APOL1: variants seen among roughly 807,000 people sequenced by gnomAD.
APOL1 encodes apolipoprotein L1.
A neutral mutation model predicts 14.9 loss-of-function variants in APOL1; 17 were observed. The ratio of observed to expected loss-of-function variants is 1.14; its 90% CI spans 0.78 to 1.71. The LOEUF is 1.71. Ranked by LOEUF, APOL1 falls within the 40% of genes most tolerant of loss-of-function variation. The probability of loss-of-function intolerance (pLI) is 0.00; values close to 1 mark genes in which losing one functional copy is unlikely to be tolerated. For missense variants in APOL1, 523 were observed against 485.9 expected (o/e 1.08, Z -0.72); for synonymous variants, 195 against 184.8 (o/e 1.05, Z -0.45).
intron 4 of APOL1, 36 bp downstream of exon 4, chr22:36,257,443 C>G: frequency 1.9e-6 from 3 of 1,585,034 alleles, no homozygotes; most frequent in Non-Finnish European, 1.7e-6. Context: ...GGTTCCTACT[C>G]GCACTTAGAA....
At chr22:36,256,267 G>A (rs1219674445) in intron 2 of APOL1, among the ~76,000 whole-genome samples, 2 of 152,182 alleles carry the variant, frequency 1.3e-5, no homozygotes, top group Non-Finnish European at 2.9e-5. Context: ...GTTTGAGTGT[G>A]AATTGGTACA....
At chr22:36,258,156 C>G (rs184136826) in intron 4 of APOL1, among the ~76,000 whole-genome samples, 30 of 152,268 alleles carry the variant, frequency 2.0e-4, no homozygotes, top group African/African-American at 5.5e-4. Context: ...CCGTCCCCCC[C>G]CAGCTGTGTT....
chr22:36,265,846 A>G lies in APOL1; in HGVS notation c.1010A>G (p.Asp337Gly), dbSNP rs1324057858. The change falls in exon 6 of 6, where the codon GAT becomes GGT. Residue 337 changes from aspartate to glycine, a missense_variant. Transcript: ENST00000397278. Reference sequence around the variant, plus strand: ...ATGAGCAGAGGAGTCAAGCTCACGGATGTGGCCCCTGTAAGCTTCTTTCTT... The same window carrying G: ...ATGAGCAGAGGAGTCAAGCTCACGGGTGTGGCCCCTGTAAGCTTCTTTCTT... ...LEMSRGVKLT[D>G]VAPVSFFLVL... is the part of the protein sequence containing the mutation. 2 of 1,614,068 alleles carry G rather than the reference A, an allele frequency of 1.2e-6. No individual in the cohort carries two copies. Among genetic ancestry groups the G allele is most frequent in the East Asian group, 4.5e-5 (2 of 44,884 alleles).
At chr22:36,264,149 C>T (rs2016158804) in intron 5 of APOL1, among the ~76,000 whole-genome samples, 1 of 152,140 alleles carries the variant, frequency 6.6e-6, no homozygotes, top group Admixed American at 6.5e-5. Flanking sequence ...TCTTTCTCAA[C>T]CCATGCCTTA....
chr22:36,263,656 C>A (rs140189796), intron 5 of APOL1, among the ~76,000 whole-genome samples: 1 of 152,222 alleles, frequency 6.6e-6, no homozygotes, highest in African/African-American at 2.4e-5. Flanking sequence ...AAAACACATG[C>A]GGTGTTGCCA....
At chr22:36,256,992 C>T in intron 2 of APOL1, 91 bp from the exon 3 acceptor site, 1 of 1,403,698 alleles carries the variant, frequency 7.1e-7, no homozygotes, top group Non-Finnish European at 9.9e-7. Flanking sequence ...ACCTTCCTCC[C>T]CATCTCTATT....
At position 36,261,581 on chromosome 22, in the gene APOL1, C is replaced by G; in HGVS notation, c.188-15C>G. ...ACACTTTCCTCCAACCTTATCCTTT[C>G]TTCTTTCCAACTAGAGAGCAGTATC... On this transcript the variant is annotated splice_polypyrimidine_tract_variant and intron_variant, in intron 4 of 5. Transcript: ENST00000397278. The G allele has an allele frequency of 6.2e-7, 1 of 1,610,538 alleles. No homozygotes were observed. Among genetic ancestry groups the G allele is most frequent in the Non-Finnish European group, 8.5e-7 (1 of 1,177,188 alleles).
intron 1 of APOL1, among the ~76,000 whole-genome samples, chr22:36,254,731 C>T (rs1159473956): frequency 2.6e-5 from 4 of 151,662 alleles, no homozygotes; most frequent in Admixed American, 6.6e-5. Context: ...GGTGTCGTGG[C>T]GGGCACCTGT....
intron 4 of APOL1, chr22:36,259,870 A>G (rs916828359): frequency 1.9e-4 from 251 of 1,303,958 alleles, no homozygotes; most frequent in Non-Finnish European, 2.5e-4. Flanking sequence ...GTTGTACTCA[A>G]TGCTGTGGAG....
At chr22:36,260,509 A>G (rs9622363) in intron 4 of APOL1, among the ~76,000 whole-genome samples, 22,984 of 152,236 alleles carry the variant, frequency 0.15, 5,988 homozygotes, top group African/African-American at 0.53. Flanking sequence ...GCAATTCCAT[A>G]ATTCCCAGAT....
rs766338763 is a variant in APOL1, at chr22:36,257,377, G to A, written c.157G>A (p.Gly53Ser). ...DTGDPQSKPL[G>S]DWAAGTMDPE... ...TGGAGATCCTCAAAGTAAGCCCCTC[G>A]GTGACTGGGCTGCTGGCACCATGGA... The change falls in exon 4 of 6, where the codon GGT (glycine) becomes AGT (serine). Residue 53 changes from glycine to serine, a missense_variant. Transcript: ENST00000397278. 37 of 1,614,146 alleles carry A rather than the reference G, an allele frequency of 2.3e-5. No homozygotes were observed. The highest frequency in any genetic ancestry group is 1.3e-4 in the Admixed American group (8 of 60,026).
In APOL1 at chr22:36,265,841, C is replaced by G. The variant is rs776081356; in HGVS notation, c.1005C>G (p.Leu335=). The G allele has an allele frequency of 1.6e-5, 26 of 1,614,172 alleles. No homozygotes were observed. Among genetic ancestry groups the G allele is most frequent in the South Asian group, 1.1e-4 (10 of 91,076 alleles). The change falls in exon 6 of 6, where the codon CTC becomes CTG. Residue 335 remains leucine (L), a synonymous_variant. Transcript: ENST00000397278. ...SILEMSRGVK[L]TDVAPVSFFL... ...TGGAAATGAGCAGAGGAGTCAAGCT[C>G]ACGGATGTGGCCCCTGTAAGCTTCT...
chr22:36,260,025 C>A (rs2016027804), intron 4 of APOL1: 3 of 967,180 alleles, frequency 3.1e-6, no homozygotes, highest in Admixed American at 3.8e-5. Context: ...GCCTTGGAGT[C>A]AAATCCTGAG....
intron 4 of APOL1, chr22:36,257,704 G>GC (rs1395610441): frequency 4.9e-5 from 15 of 305,268 alleles, no homozygotes; most frequent in Non-Finnish European, 8.2e-5. Flanking sequence ...AGCGGGGGGG[G>GC]GGGGGAGTGT....
At chr22:36,262,981 G>A (rs1485005270) in intron 5 of APOL1, among the ~76,000 whole-genome samples, 1 of 152,202 alleles carries the variant, frequency 6.6e-6, no homozygotes, top group African/African-American at 2.4e-5. Flanking sequence ...TCCAAATTCA[G>A]GTCTTTTCAG....
intron 2 of APOL1, among the ~76,000 whole-genome samples, chr22:36,256,861 C>T (rs1269614644): frequency 1.3e-5 from 2 of 152,168 alleles, no homozygotes. Context: ...CATCTCCTGG[C>T]CTGTGTGTGA....
At position 36,265,560 on chromosome 22, in the gene APOL1, G is replaced by A. The variant is rs752305718; in HGVS notation, c.724G>A (p.Asp242Asn). 32 of 1,602,708 alleles carry A rather than the reference G, an allele frequency of 2.0e-5. No individual in the cohort carries two copies. Among genetic ancestry groups the A allele is most frequent in the Non-Finnish European group, 2.6e-5 (30 of 1,174,418 alleles). The change falls in exon 6 of 6, where the codon GAC (aspartate) becomes AAC (asparagine). Residue 242 changes from aspartate (D) to asparagine (N), a missense_variant. Coordinates refer to ENST00000397278, the MANE Select transcript of APOL1 (RefSeq NM_003661.4). ...KKWWTQAQAH[D>N]LVIKSLDKLK... ...GTGGTGGACACAAGCCCAAGCCCACGACCTGGTCATCAAAAGCCTTGACAA... is the reference window on the plus strand; with the variant it reads ...GTGGTGGACACAAGCCCAAGCCCACAACCTGGTCATCAAAAGCCTTGACAA...
At chr22:36,259,590 A>C in intron 4 of APOL1, 1 of 1,227,796 alleles carries the variant, frequency 8.1e-7, no homozygotes, top group Non-Finnish European at 1.1e-6. Flanking sequence ...CCGACCCCGG[A>C]ATCCTTACGA....
At chr22:36,254,900 G>A (rs1439762653) in intron 1 of APOL1, 37 bp from the exon 2 acceptor site, 2 of 1,612,402 alleles carry the variant, frequency 1.2e-6, no homozygotes, top group East Asian at 4.5e-5. Flanking sequence ...TTTCTCAGGA[G>A]GAGCACACTG....
Sources: allele counts gnomAD v4.1 joint callset (sites outside exome capture counted in the v4.1 genomes callset), GRCh38; gene constraint gnomAD v4.1.1; transcripts MANE v1.5; gene names NCBI Gene and HGNC (gene_info 2026-07-23, HGNC 2026-07-21).